HORMAD2: variants seen among roughly 807,000 people sequenced by gnomAD.
The protein encoded by HORMAD2 is HORMA domain containing 2.
Under a neutral mutation model 38.8 loss-of-function variants are expected in HORMAD2, and 45 were observed. That is an observed-to-expected ratio of 1.16 (90% CI 0.91 to 1.49). The LOEUF is 1.49. Ranked by LOEUF, HORMAD2 falls within the 40% of genes most tolerant of loss-of-function variation. The pLI is 0.00. For synonymous variants in HORMAD2, 126 were observed against 122.8 expected (o/e 1.03, Z -0.17); for missense variants, 338 against 367.0 (o/e 0.92, Z 0.65).
At chr22:30,158,785 C>T (rs144874473) in intron 10 of HORMAD2, among the ~76,000 whole-genome samples, 42 of 151,642 alleles carry the variant, frequency 2.8e-4, no homozygotes, top group Non-Finnish European at 4.6e-4. Flanking sequence ...CCTGGGCTCC[C>T]GCGATCCTCC....
intron 10 of HORMAD2, among the ~76,000 whole-genome samples, chr22:30,164,529 A>C (rs903573745): frequency 2.0e-5 from 3 of 152,162 alleles, no homozygotes; most frequent in Non-Finnish European, 2.9e-5. Context: ...TTGTGGCTTT[A>C]ATTTGCATCT....
chr22:30,088,993 T>G (rs1168625874), intron 1 of HORMAD2, among the ~76,000 whole-genome samples: 3 of 152,172 alleles, frequency 2.0e-5, no homozygotes, highest in Admixed American at 1.3e-4. Context: ...CTTTAAGGGT[T>G]AAAGAACTAT....
At chr22:30,129,046 G>A (rs1923075786) in intron 10 of HORMAD2, among the ~76,000 whole-genome samples, 1 of 151,600 alleles carries the variant, frequency 6.6e-6, no homozygotes. Context: ...GTGAAACCCT[G>A]TCTCTACTAA....
the HORMAD2 span, among the ~76,000 whole-genome samples, chr22:30,204,942 G>A: frequency 1.3e-5 from 2 of 152,184 alleles, no homozygotes; most frequent in African/African-American, 2.4e-5. Context: ...AGACGCCGTG[G>A]GACTTTTCCC....
upstream of HORMAD2, among the ~76,000 whole-genome samples, chr22:30,078,607 C>CAAAAAAAAAAA (rs55966787): frequency 9.0e-3 from 253 of 28,100 alleles, 51 homozygotes; most frequent in Middle Eastern, 0.045. Flanking sequence ...CTCTGTCTCA[C>CAAAAAAAAAAA]AAAAAAAAAA....
chr22:30,078,630 A>AC, upstream of HORMAD2, among the ~76,000 whole-genome samples: 1 of 150,108 alleles, frequency 6.7e-6, no homozygotes, highest in African/African-American at 2.4e-5. Context: ...AAAAAAAAAA[A>AC]AAAAAAATTA....
At chr22:30,150,809 T>C (rs1439608927) in intron 10 of HORMAD2, among the ~76,000 whole-genome samples, 1 of 152,228 alleles carries the variant, frequency 6.6e-6, no homozygotes, top group Non-Finnish European at 1.5e-5. Flanking sequence ...ATGCTTTCAC[T>C]TAATTCCTTG....
chr22:30,155,035 T>C (rs1376244049), intron 10 of HORMAD2, among the ~76,000 whole-genome samples: 2 of 148,520 alleles, frequency 1.3e-5, no homozygotes, highest in East Asian at 4.0e-4. Flanking sequence ...TTCACACCAC[T>C]ACACTCCAGC....
rs1019667042 is a variant in HORMAD2 at position 30,128,736 on chromosome 22, G to T, written c.819+6522G>T. Among the ~76,000 whole-genome samples, 21 of 152,202 alleles carry T rather than the reference G, an allele frequency of 1.4e-4. No individual in the cohort carries two copies. In the East Asian group the frequency reaches 3.9e-3, roughly 28 times the overall value. On this transcript the variant is annotated intron_variant, in intron 10 of 10. Coordinates refer to ENST00000336726, the MANE Select transcript of HORMAD2 (RefSeq NM_152510.4). ...TACTTAAACCTGGTTGCCTTGTGTG[G>T]GGGTGAGCTCCAGTGTCACCAGCTG...
In HORMAD2 at chr22:30,104,453, C is replaced by T. The variant is rs1469994602; in HGVS notation, c.294+16C>T. On this transcript the variant is annotated intron_variant, in intron 5 of 10. Coordinates refer to ENST00000336726, the MANE Select transcript of HORMAD2 (RefSeq NM_152510.4). ...AAAGAGATACGTAAGAATGTTTTTA[C>T]ACTTACACTGGAATCAAAGGCTTGT... The T allele has an allele frequency of 1.3e-6, 2 of 1,584,854 alleles. No homozygotes were observed. The highest frequency in any genetic ancestry group is 2.2e-5 in the East Asian group (1 of 44,562).
intron 6 of HORMAD2, among the ~76,000 whole-genome samples, chr22:30,112,133 G>A (rs766144179): frequency 6.6e-6 from 1 of 151,662 alleles, no homozygotes; most frequent in Non-Finnish European, 1.5e-5. Context: ...TTGAAATTTT[G>A]TATACCTCTG....
chr22:30,126,574 AT>A (rs1922883385), intron 10 of HORMAD2, among the ~76,000 whole-genome samples: 1 of 152,192 alleles, frequency 6.6e-6, no homozygotes, highest in Admixed American at 6.6e-5. Flanking sequence ...GTTAATGACA[AT>A]TTATTCATTC....
the HORMAD2 span, among the ~76,000 whole-genome samples, chr22:30,199,291 C>T: frequency 6.6e-6 from 1 of 152,202 alleles, no homozygotes; most frequent in African/African-American, 2.4e-5. Context: ...TTTCTCCTCC[C>T]TGAGAACAGC....
At chr22:30,128,966 G>A (rs952580321) in intron 10 of HORMAD2, among the ~76,000 whole-genome samples, 19 of 152,118 alleles carry the variant, frequency 1.2e-4, no homozygotes, top group African/African-American at 4.6e-4. Flanking sequence ...TGTAACCCCA[G>A]CACTTTGGGA....
chr22:30,117,683 ATTT>A (rs1922147117), intron 7 of HORMAD2, among the ~76,000 whole-genome samples: 2 of 151,962 alleles, frequency 1.3e-5, no homozygotes, highest in Admixed American at 6.6e-5. Context: ...TAATTTTTGT[ATTT>A]TTAGTAGAGA....
intron 10 of HORMAD2, among the ~76,000 whole-genome samples, chr22:30,127,586 GC>G (rs1922974843): frequency 6.6e-6 from 1 of 152,160 alleles, no homozygotes; most frequent in Non-Finnish European, 1.5e-5. Context: ...CAAGCCATCT[GC>G]TGGCCTTGGC....
chr22:30,113,730 G>T (rs1921835136), intron 7 of HORMAD2, among the ~76,000 whole-genome samples: 1 of 151,946 alleles, frequency 6.6e-6, no homozygotes, highest in African/African-American at 2.4e-5. Context: ...CCTTCTCTAA[G>T]CCTACATATT....
chr22:30,179,037 T>C (rs1397452232), downstream of HORMAD2, among the ~76,000 whole-genome samples: 1 of 152,218 alleles, frequency 6.6e-6, no homozygotes, highest in Non-Finnish European at 1.5e-5. Context: ...AGTATCAAAG[T>C]TGCATTCACA....
intron 3 of HORMAD2, among the ~76,000 whole-genome samples, chr22:30,102,862 TCA>T (rs1920961656): frequency 6.6e-6 from 1 of 152,142 alleles, no homozygotes; most frequent in African/African-American, 2.4e-5. Flanking sequence ...CGTCCTAGGC[TCA>T]AGCAATCCTT....
Sources: allele counts gnomAD v4.1 joint callset (sites outside exome capture counted in the v4.1 genomes callset), GRCh38; gene constraint gnomAD v4.1.1; transcripts MANE v1.5; gene names NCBI Gene and HGNC (gene_info 2026-07-23, HGNC 2026-07-21).